The following VAC14 variants were observed in gnomAD, a reference collection of about 807,000 sequenced individuals.
VAC14 encodes VAC14 component of PIKFYVE complex.
In VAC14, 47 loss-of-function variants were observed where a neutral mutation model predicts 85.3. The observed-to-expected ratio is 0.55, with a 90% confidence interval of 0.44 to 0.70. The LOEUF (loss-of-function observed/expected upper bound fraction) is 0.70, where lower values mean the gene tolerates loss of function less well. Among genes scored for constraint, VAC14 ranks in the 30% least tolerant of loss-of-function variants. The pLI is 0.00. For missense variants in VAC14, 861 were observed against 1,004.3 expected, an observed-to-expected ratio of 0.86 and a Z score of 1.93; for synonymous variants, 447 against 430.5, an observed-to-expected ratio of 1.04 and a Z score of -0.47.
intron 7 of VAC14, 46 bp from the exon 8 acceptor site, chr16:70,782,049 C>T (rs369615955): frequency 2.2e-5 from 35 of 1,599,262 alleles, no homozygotes; most frequent in Middle Eastern, 1.8e-4. Flanking sequence ...ACACGCAGCC[C>T]GAGTGCTCCC....
intron 12 of VAC14, among the ~76,000 whole-genome samples, chr16:70,758,885 A>G (rs951705005): frequency 2.0e-5 from 3 of 152,256 alleles, no homozygotes; most frequent in African/African-American, 4.8e-5. Flanking sequence ...GACAAAAGGA[A>G]TTTTCAGATA....
At chr16:70,757,775 C>G (rs367819539) in intron 12 of VAC14, among the ~76,000 whole-genome samples, 1 of 152,226 alleles carries the variant, frequency 6.6e-6, no homozygotes, top group Non-Finnish European at 1.5e-5. Flanking sequence ...TACTGCTTAT[C>G]GTGGGTTTAT....
At position 70,691,471 on chromosome 16, in the gene VAC14, G is replaced by A. The variant is rs1352945549; in HGVS notation, c.2186+1350C>T. 1.5e-5 allele frequency: 15 copies of A among 985,294 alleles called. No individual in the cohort carries two copies. The East Asian group carries it at 3.4e-4, about 22-fold the overall frequency. 61.0% of individuals were successfully genotyped at this position (985,294 alleles called of 1,614,324 possible). ...CCGGTGTGGCTTCTAGGCCTCTCTC[G>A]GAGTCTCTCGGGAGCTGACAGCACT... On this transcript the variant is annotated intron_variant, in intron 18 of 18. Coordinates refer to ENST00000261776, the MANE Select transcript of VAC14 (RefSeq NM_018052.5).
At chr16:70,786,883 C>T (rs141204009) in intron 1 of VAC14, among the ~76,000 whole-genome samples, 38 of 152,304 alleles carry the variant, frequency 2.5e-4, no homozygotes, top group African/African-American at 9.1e-4. Context: ...TCAGTCTCCT[C>T]GGGCCGTCCA....
intron 12 of VAC14, among the ~76,000 whole-genome samples, chr16:70,758,264 G>A (rs2032030820): frequency 6.6e-6 from 1 of 152,174 alleles, no homozygotes; most frequent in Non-Finnish European, 1.5e-5. Context: ...GGGTCTGGGT[G>A]AGGGGGTTAC....
At chr16:70,741,474 C>T (rs550473300) in intron 13 of VAC14, among the ~76,000 whole-genome samples, 3 of 152,324 alleles carry the variant, frequency 2.0e-5, no homozygotes, top group African/African-American at 7.2e-5. Context: ...ATCATGGCCC[C>T]ATTTGTAAAA....
chr16:70,745,513 G>GTA (rs936060424), intron 12 of VAC14, among the ~76,000 whole-genome samples: 2 of 145,904 alleles, frequency 1.4e-5, no homozygotes, highest in Admixed American at 6.6e-5. Context: ...GTGTGTGTGT[G>GTA]TGTGTGCGCG....
intron 13 of VAC14, among the ~76,000 whole-genome samples, chr16:70,738,899 G>A (rs935455485): frequency 5.9e-5 from 9 of 152,168 alleles, no homozygotes; most frequent in African/African-American, 2.2e-4. Context: ...ACTTCCAGCT[G>A]GGGGTCTAAG....
chr16:70,738,606 G>A (rs2143007681), intron 13 of VAC14, among the ~76,000 whole-genome samples: 1 of 152,326 alleles, frequency 6.6e-6, no homozygotes, highest in Middle Eastern at 3.4e-3. Context: ...GGGCTGGACT[G>A]CTGGGGCTTC....
intron 10 of VAC14, among the ~76,000 whole-genome samples, chr16:70,765,991 G>T (rs543634235): frequency 6.6e-6 from 1 of 151,964 alleles, no homozygotes; most frequent in East Asian, 1.9e-4. Flanking sequence ...AAATTAGCTG[G>T]GTGTGGTGGT....
intron 10 of VAC14, chr16:70,771,901 C>CCTAT (rs1210300917): frequency 1.8e-5 from 10 of 562,810 alleles, no homozygotes; most frequent in Admixed American, 9.1e-5. Flanking sequence ...TCTAATCCGC[C>CCTAT]CTATCTATCC....
rs1381735601 is a variant in VAC14 at position 70,755,926 on chromosome 16, T to C, written c.1371+6614A>G. The C allele has an allele frequency of 5.4e-5, 24 of 442,714 alleles. 1 individual carries two copies. Among genetic ancestry groups the C allele is most frequent in the South Asian group, 2.8e-4 (17 of 61,676 alleles). 27.4% of individuals were successfully genotyped at this position (442,714 alleles called of 1,614,324 possible). A position where few individuals can be genotyped will look rare whatever the true frequency, so the allele number is the denominator to read the frequency against. On this transcript the variant is annotated intron_variant, in intron 12 of 18. Transcript: ENST00000261776. Reference sequence around the variant, plus strand: ...GCACTCTGCTTCCTCCCACCATTCCTCACAGCACAGCTCGGGGGTTTGGGG... The same window carrying C: ...GCACTCTGCTTCCTCCCACCATTCCCCACAGCACAGCTCGGGGGTTTGGGG...
At chr16:70,715,678 C>A (rs1239459586) in intron 14 of VAC14, 1 of 152,226 alleles carries the variant, frequency 6.6e-6, no homozygotes, top group Admixed American at 6.5e-5. Context: ...CTTATTTTTA[C>A]CCACTTGGTA....
intron 12 of VAC14, among the ~76,000 whole-genome samples, chr16:70,753,708 C>T (rs867749009): frequency 4.6e-5 from 7 of 152,272 alleles, no homozygotes; most frequent in African/African-American, 7.2e-5. Flanking sequence ...TGAGGAAGGC[C>T]GGGAGTGAGG....
At chr16:70,750,589 C>A (rs142703432) in intron 12 of VAC14, among the ~76,000 whole-genome samples, 1 of 151,950 alleles carries the variant, frequency 6.6e-6, no homozygotes, top group Non-Finnish European at 1.5e-5. Flanking sequence ...GTGCTCAGGG[C>A]GAGGGGAGAG....
chr16:70,760,505 T>C (rs1246226692), intron 12 of VAC14, among the ~76,000 whole-genome samples: 1 of 152,036 alleles, frequency 6.6e-6, no homozygotes, highest in African/African-American at 2.4e-5. Flanking sequence ...ATCCCTCCTC[T>C]AGACAGAAGG....
intron 14 of VAC14, among the ~76,000 whole-genome samples, chr16:70,706,326 C>G (rs565112869): frequency 3.3e-5 from 5 of 152,176 alleles, no homozygotes; most frequent in Admixed American, 3.3e-4. Flanking sequence ...TGGACTCCAC[C>G]GGTCTCTCTG....
chr16:70,776,236 G>C (rs1232531883), intron 9 of VAC14, among the ~76,000 whole-genome samples: 1 of 152,154 alleles, frequency 6.6e-6, no homozygotes, highest in African/African-American at 2.4e-5. Flanking sequence ...AAGTAGCTGT[G>C]ACTAAAGGTG....
At chr16:70,707,712 A>G (rs1597864326) in intron 14 of VAC14, among the ~76,000 whole-genome samples, 1 of 151,066 alleles carries the variant, frequency 6.6e-6, no homozygotes, top group Non-Finnish European at 1.5e-5. Context: ...GAGTCAGATG[A>G]CCCTTGCTGC....
Sources: gnomAD v4.1 joint callset for allele counts (sites outside exome capture counted in the v4.1 genomes callset) on GRCh38, gnomAD v4.1.1 for gene constraint, MANE v1.5 for transcripts, NCBI Gene and HGNC (gene_info 2026-07-23, HGNC 2026-07-21) for gene names.